SPAG16: variants seen among roughly 807,000 people sequenced by gnomAD.
The protein encoded by SPAG16 is sperm associated antigen 16.
In SPAG16, 86 loss-of-function variants were observed where a neutral mutation model predicts 80.4. The observed-to-expected ratio is 1.07, with a 90% CI of 0.90 to 1.28. The LOEUF is 1.28. Ranked by LOEUF, SPAG16 falls within the 50% of genes most tolerant of loss-of-function variation. The pLI is 0.00. For missense variants in SPAG16, 870 were observed against 765.3 expected (o/e 1.14, Z -1.61); for synonymous variants, 294 against 265.9 (o/e 1.11, Z -1.03).
At chr2:213,348,529 C>T (rs2065133236) in intron 6 of SPAG16, among the ~76,000 whole-genome samples, 1 of 152,120 alleles carries the variant, frequency 6.6e-6, no homozygotes, top group African/African-American at 2.4e-5. Flanking sequence ...TTGTTCCTTT[C>T]CATGTTTAGT....
intron 15 of SPAG16, among the ~76,000 whole-genome samples, chr2:214,264,444 T>C (rs574324624): frequency 6.6e-6 from 1 of 152,302 alleles, no homozygotes; most frequent in South Asian, 2.1e-4. Context: ...TCTTCTAATT[T>C]TTTTTATTTA....
At chr2:214,351,719 C>CAAA (rs56113142) in intron 15 of SPAG16, among the ~76,000 whole-genome samples, 7 of 148,634 alleles carry the variant, frequency 4.7e-5, no homozygotes, top group African/African-American at 1.7e-4. Flanking sequence ...AACAAACAAA[C>CAAA]AAAAAAAACA....
At chr2:213,761,889 A>C (rs9798318) in intron 10 of SPAG16, among the ~76,000 whole-genome samples, 1 of 42,614 alleles carries the variant, frequency 2.3e-5, no homozygotes, top group Non-Finnish European at 7.5e-5. Context: ...AAAAACAAAA[A>C]AACAAAACAA....
At chr2:214,137,036 C>T (rs2055090676) in intron 14 of SPAG16, among the ~76,000 whole-genome samples, 1 of 152,064 alleles carries the variant, frequency 6.6e-6, no homozygotes, top group African/African-American at 2.4e-5. Flanking sequence ...AATTAGATCA[C>T]TTGACAGGTA....
At chr2:213,697,014 A>G (rs2065183194) in intron 10 of SPAG16, among the ~76,000 whole-genome samples, 1 of 152,212 alleles carries the variant, frequency 6.6e-6, no homozygotes. Flanking sequence ...GCAGGAACCA[A>G]GTTCATTAGA....
intron 15 of SPAG16, among the ~76,000 whole-genome samples, chr2:214,265,506 C>T (rs907512734): frequency 2.0e-5 from 3 of 151,714 alleles, no homozygotes; most frequent in Non-Finnish European, 4.4e-5. Flanking sequence ...TGGATATAAC[C>T]CCTTTATCTA....
chr2:213,888,687 C>A (rs2076663706), intron 11 of SPAG16, among the ~76,000 whole-genome samples: 2 of 151,794 alleles, frequency 1.3e-5, no homozygotes, highest in African/African-American at 4.8e-5. Flanking sequence ...TTACTCCTAA[C>A]CTTTTCTTTT....
intron 5 of SPAG16, among the ~76,000 whole-genome samples, chr2:213,335,179 A>C (rs1011495467): frequency 2.6e-5 from 4 of 152,208 alleles, no homozygotes; most frequent in African/African-American, 9.6e-5. Flanking sequence ...AAGAGATGAA[A>C]GCATGCAAAT....
chr2:213,624,501 G>T (rs1271961711), intron 10 of SPAG16, among the ~76,000 whole-genome samples: 2 of 152,002 alleles, frequency 1.3e-5, no homozygotes, highest in Non-Finnish European at 2.9e-5. Flanking sequence ...TAGCCCTGGG[G>T]CCTTGGAAGG....
chr2:213,515,729 A>T (rs2075395410), intron 10 of SPAG16, among the ~76,000 whole-genome samples: 1 of 152,176 alleles, frequency 6.6e-6, no homozygotes, highest in Admixed American at 6.6e-5. Flanking sequence ...GCTACAGCAC[A>T]TCAGAACAAA....
rs530830479 is a variant in SPAG16, at chr2:213,916,021, T to A, written c.1215-13939T>A. On this transcript the variant is annotated intron_variant, in intron 11 of 15. Coordinates refer to ENST00000331683, the MANE Select transcript of SPAG16 (RefSeq NM_024532.5). ...GTAGATTCTGGATATTAATCCTTTG[T>A]CAGATGGATAGATTGCAAAAATTTT... 2.0e-5 allele frequency among the ~76,000 whole-genome samples: 3 copies of A among 152,370 alleles called. No homozygotes were observed. In the South Asian group the frequency reaches 6.2e-4, roughly 32 times the overall value.
chr2:214,298,242 G>A (rs2125945877), intron 15 of SPAG16, among the ~76,000 whole-genome samples: 1 of 151,738 alleles, frequency 6.6e-6, no homozygotes. Context: ...CAGCTTGAAT[G>A]TTATTGTTGT....
At chr2:213,976,190 ATG>A (rs1383891707) in intron 12 of SPAG16, among the ~76,000 whole-genome samples, 2 of 149,378 alleles carry the variant, frequency 1.3e-5, no homozygotes, top group African/African-American at 4.9e-5. Context: ...GTATGTGCGT[ATG>A]TGTATATATA....
chr2:213,612,689 T>C (rs1255170085), intron 10 of SPAG16, among the ~76,000 whole-genome samples: 1 of 152,068 alleles, frequency 6.6e-6, no homozygotes, highest in Non-Finnish European at 1.5e-5. Flanking sequence ...ATTAAAATAA[T>C]TTTTTTTGAG....
At chr2:213,353,742 A>G (rs984548616) in intron 7 of SPAG16, among the ~76,000 whole-genome samples, 5 of 152,228 alleles carry the variant, frequency 3.3e-5, no homozygotes, top group Non-Finnish European at 7.4e-5. Context: ...TGGATGGAAT[A>G]TCTTCCTATC....
At chr2:213,478,652 C>T (rs1229885583) in intron 9 of SPAG16, among the ~76,000 whole-genome samples, 1 of 152,082 alleles carries the variant, frequency 6.6e-6, no homozygotes, top group Non-Finnish European at 1.5e-5. Flanking sequence ...GTATCCCAGG[C>T]ATTTAGCCTG....
intron 10 of SPAG16, among the ~76,000 whole-genome samples, chr2:213,622,020 GTC>G (rs1419184058): frequency 6.6e-6 from 1 of 152,100 alleles, no homozygotes; most frequent in Non-Finnish European, 1.5e-5. Context: ...CTGGAGCCCA[GTC>G]TCTCATGCCT....
Position 213,541,924 on chromosome 2 carries a change from T to C in SPAG16, c.1070+51834T>C, listed in dbSNP as rs188335823. Among the ~76,000 whole-genome samples the C allele has an allele frequency of 5.3e-5, 8 of 152,284 alleles. No homozygotes were observed. The East Asian group carries it at 1.5e-3, about 29-fold the overall frequency. Reference sequence around the variant, plus strand: ...ACACGTAGTAGGCCTGGGGAGTGGATGGAGATACCAACTTTATGGTTACCA... The same window carrying C: ...ACACGTAGTAGGCCTGGGGAGTGGACGGAGATACCAACTTTATGGTTACCA... On this transcript the variant is annotated intron_variant, in intron 10 of 15. Transcript: ENST00000331683.
chr2:213,599,056 T>C (rs1300517333), intron 10 of SPAG16, among the ~76,000 whole-genome samples: 1 of 152,240 alleles, frequency 6.6e-6, no homozygotes, highest in Non-Finnish European at 1.5e-5. Context: ...TTTAATGATA[T>C]GTTTATTTGT....
Sources: allele counts gnomAD v4.1 joint callset (sites outside exome capture counted in the v4.1 genomes callset), GRCh38; gene constraint gnomAD v4.1.1; transcripts MANE v1.5; gene names NCBI Gene and HGNC (gene_info 2026-07-23, HGNC 2026-07-21).